SLC35F4: variants seen among roughly 807,000 people sequenced by gnomAD.
The protein encoded by SLC35F4 is solute carrier family 35 member F4, also known as chromosome 14 open reading frame 36.
In SLC35F4, 24 loss-of-function variants were observed where a neutral mutation model predicts 44.2. The ratio of observed to expected loss-of-function variants is 0.54; its 90% CI spans 0.39 to 0.76. SLC35F4 has a LOEUF of 0.76. Ranked by LOEUF, SLC35F4 falls within the 30% of genes least tolerant of loss-of-function variation. SLC35F4 has a pLI of 0.00. For synonymous variants in SLC35F4, 238 were observed against 223.6 expected, an observed-to-expected ratio of 1.06 and a Z score of -0.57; for missense variants, 562 against 586.1, an observed-to-expected ratio of 0.96 and a Z score of 0.42.
At chr14:57,680,973 C>T (rs927620712) in intron 1 of SLC35F4, among the ~76,000 whole-genome samples, 1 of 152,056 alleles carries the variant, frequency 6.6e-6, no homozygotes, top group Non-Finnish European at 1.5e-5. Flanking sequence ...CAATGTTCTT[C>T]CCATCAAGCT....
intron 1 of SLC35F4, among the ~76,000 whole-genome samples, chr14:57,690,353 C>T (rs1250867854): frequency 6.6e-6 from 1 of 152,112 alleles, no homozygotes; most frequent in Non-Finnish European, 1.5e-5. Context: ...AAGAGCACTA[C>T]CTTTGGTGAA....
At chr14:57,975,464 T>C (rs981428645), downstream of SLC35F4, among the ~76,000 whole-genome samples, 4 of 152,230 alleles carry the variant, frequency 2.6e-5, no homozygotes, top group Admixed American at 1.3e-4. Context: ...TGCTTTTGTA[T>C]GGGACACCTG....
At chr14:57,581,505 G>T in intron 3 of SLC35F4, 72 bp from the exon 4 acceptor site, 1 of 1,349,552 alleles carries the variant, frequency 7.4e-7, no homozygotes, top group South Asian at 1.4e-5. Flanking sequence ...ACTCATCGCA[G>T]CCATTTTCAG....
intron 1 of SLC35F4, among the ~76,000 whole-genome samples, chr14:57,955,930 T>G (rs1217718561): frequency 1.3e-5 from 2 of 152,032 alleles, no homozygotes; most frequent in Non-Finnish European, 2.9e-5. Flanking sequence ...CATAGAATTA[T>G]AAAAAACTAC....
chr14:57,883,017 GGA>G (rs1185991208), intron 1 of SLC35F4, among the ~76,000 whole-genome samples: 1 of 151,198 alleles, frequency 6.6e-6, no homozygotes, highest in African/African-American at 2.4e-5. Context: ...AGGAGGAGGA[GGA>G]GAGGAGGGGA....
chr14:57,595,960 AG>A (rs1435210949), intron 1 of SLC35F4: 2 of 152,274 alleles, frequency 1.3e-5, no homozygotes, highest in African/African-American at 4.8e-5. Flanking sequence ...ACAAACATAT[AG>A]TTAGAATGAG....
At chr14:57,796,066 C>A (rs1330824667) in intron 1 of SLC35F4, among the ~76,000 whole-genome samples, 2 of 152,092 alleles carry the variant, frequency 1.3e-5, no homozygotes, top group Non-Finnish European at 2.9e-5. Flanking sequence ...TCTGTTCCTG[C>A]ATTAATTCAA....
At chr14:57,707,852 G>T (rs1280446347) in intron 1 of SLC35F4, among the ~76,000 whole-genome samples, 3 of 152,164 alleles carry the variant, frequency 2.0e-5, no homozygotes, top group Admixed American at 6.5e-5. Context: ...ATTCCATCTT[G>T]CTTCTAAACT....
chr14:57,633,113 T>G (rs1490270831), intron 1 of SLC35F4, among the ~76,000 whole-genome samples: 1 of 152,164 alleles, frequency 6.6e-6, no homozygotes, highest in Non-Finnish European at 1.5e-5. Context: ...TGTACCACAG[T>G]TTATTTATCC....
At chr14:57,644,529 A>C (rs1309080312) in intron 1 of SLC35F4, among the ~76,000 whole-genome samples, 2 of 151,322 alleles carry the variant, frequency 1.3e-5, no homozygotes, top group Non-Finnish European at 2.9e-5. Flanking sequence ...TTGTCAGATG[A>C]GTAGGTTGCG....
intron 1 of SLC35F4, among the ~76,000 whole-genome samples, chr14:57,962,617 G>A (rs548889341): frequency 2.6e-5 from 4 of 152,334 alleles, no homozygotes; most frequent in African/African-American, 7.2e-5. Flanking sequence ...AACCCAGAGG[G>A]ATGAAAGGTC....
intron 1 of SLC35F4, among the ~76,000 whole-genome samples, chr14:57,676,251 TA>T (rs1021766812): frequency 9.9e-5 from 15 of 152,086 alleles, no homozygotes; most frequent in African/African-American, 3.6e-4. Flanking sequence ...TATGCAGCCA[TA>T]AAAAGGAACT....
chr14:57,950,177 G>T (rs990027990), intron 1 of SLC35F4, among the ~76,000 whole-genome samples: 6 of 151,508 alleles, frequency 4.0e-5, no homozygotes, highest in African/African-American at 1.5e-4. Flanking sequence ...TCTTATGCTT[G>T]GTCATTTAAC....
Position 57,737,016 on chromosome 14 carries a change from G to T in SLC35F4, c.103+128707C>A, listed in dbSNP as rs537891697. On this transcript the variant is annotated intron_variant, in intron 1 of 7. Transcript: ENST00000556826. ...GGATTTTATGCAAGATATCTCAAGG[G>T]GTCAGATGCTTACTTAGTGTTTTTG... Among the ~76,000 whole-genome samples the T allele has an allele frequency of 1.8e-4, 27 of 151,876 alleles. No homozygotes were observed. In the South Asian group the frequency reaches 3.1e-3, roughly 18 times the overall value.
At chr14:57,837,680 C>T (rs138864514) in intron 1 of SLC35F4, 20 of 152,270 alleles carry the variant, frequency 1.3e-4, no homozygotes, top group African/African-American at 4.8e-4. Flanking sequence ...ATTTCTTGAA[C>T]CATCACTGTC....
intron 1 of SLC35F4, among the ~76,000 whole-genome samples, chr14:57,899,721 C>T (rs937655430): frequency 1.3e-5 from 2 of 152,112 alleles, no homozygotes; most frequent in African/African-American, 2.4e-5. Context: ...CCCACTTTTG[C>T]TTTGGTGGCA....
upstream of SLC35F4, among the ~76,000 whole-genome samples, chr14:57,868,964 C>G (rs889936540): frequency 6.6e-6 from 1 of 152,208 alleles, no homozygotes; most frequent in Non-Finnish European, 1.5e-5. Flanking sequence ...ATCATGATAG[C>G]CCTTCACATA....
chr14:57,778,740 A>G (rs2077551392), intron 1 of SLC35F4, among the ~76,000 whole-genome samples: 1 of 149,288 alleles, frequency 6.7e-6, no homozygotes, highest in Non-Finnish European at 1.5e-5. Flanking sequence ...TGCTCAGCAA[A>G]TTAAAAAAAA....
chr14:57,791,970 G>C (rs184782422), intron 1 of SLC35F4, among the ~76,000 whole-genome samples: 3 of 151,960 alleles, frequency 2.0e-5, no homozygotes, highest in Non-Finnish European at 4.4e-5. Context: ...GTTGGAGGGT[G>C]GGGGGCAAGG....
Sources: allele counts gnomAD v4.1 joint callset (sites outside exome capture counted in the v4.1 genomes callset), GRCh38; gene constraint gnomAD v4.1.1; transcripts MANE v1.5; gene names NCBI Gene and HGNC (gene_info 2026-07-23, HGNC 2026-07-21).